Variants in CCDC14 observed in about 807,000 individuals in gnomAD.
CCDC14 encodes coiled-coil domain containing 14.
Under a neutral mutation model 81.4 loss-of-function variants are expected in CCDC14, and 71 were observed. That is an observed-to-expected ratio of 0.87 (90% CI 0.72 to 1.06). CCDC14 has a LOEUF of 1.06. CCDC14 is among the 50% of genes least tolerant of loss of function. The pLI is 0.00. For missense variants in CCDC14, 1,046 were observed against 1,047.3 expected (o/e 1.00, Z 0.02); for synonymous variants, 332 against 364.8 (o/e 0.91, Z 1.03).
chr3:123,916,462 ATGTGTTTGTGTGTGTGTG>A (rs1169806797), intron 12 of CCDC14, among the ~76,000 whole-genome samples: 3 of 81,990 alleles, frequency 3.7e-5, no homozygotes, highest in African/African-American at 1.9e-4. Flanking sequence ...TTCATTATAT[ATGTGTTTGTGTGTGTGTG>A]TGTGTGTGTG....
At chr3:123,917,789 C>T (rs992619464) in intron 12 of CCDC14, among the ~76,000 whole-genome samples, 6 of 152,046 alleles carry the variant, frequency 3.9e-5, no homozygotes, top group African/African-American at 1.4e-4. Context: ...CAATACATTT[C>T]AAAAGCCTTA....
At chr3:123,935,385 C>A (rs539303604) in intron 9 of CCDC14, among the ~76,000 whole-genome samples, 1 of 152,120 alleles carries the variant, frequency 6.6e-6, no homozygotes, top group Non-Finnish European at 1.5e-5. Flanking sequence ...TAATCTCTGA[C>A]AAAATTATTC....
intron 9 of CCDC14, among the ~76,000 whole-genome samples, chr3:123,934,622 T>C (rs2035957021): frequency 6.6e-6 from 1 of 152,170 alleles, no homozygotes; most frequent in Non-Finnish European, 1.5e-5. Context: ...ATCTGCCCTG[T>C]TACAATGAAC....
chr3:123,932,312 T>A (rs2035784043), intron 10 of CCDC14, among the ~76,000 whole-genome samples: 1 of 152,164 alleles, frequency 6.6e-6, no homozygotes, highest in Non-Finnish European at 1.5e-5. Flanking sequence ...CCTCTAGGCC[T>A]CCTCTCTCCT....
intron 12 of CCDC14, among the ~76,000 whole-genome samples, chr3:123,929,066 T>C (rs1483334220): frequency 6.6e-6 from 1 of 152,128 alleles, no homozygotes; most frequent in Non-Finnish European, 1.5e-5. Context: ...CAAAAAAGAT[T>C]GTGAGAAGGA....
chr3:123,917,991 T>C (rs1163758186), intron 12 of CCDC14, among the ~76,000 whole-genome samples: 1 of 152,206 alleles, frequency 6.6e-6, no homozygotes, highest in Non-Finnish European at 1.5e-5. Flanking sequence ...AACTGCATCA[T>C]AGCTCCTAAT....
chr3:123,934,904 A>G (rs2035972862), intron 9 of CCDC14, among the ~76,000 whole-genome samples: 2 of 152,200 alleles, frequency 1.3e-5, no homozygotes, highest in Admixed American at 1.3e-4. Context: ...GGGGAAATCT[A>G]CATAATCTTG....
rs2036667834 is a variant in CCDC14, at chr3:123,947,034, G to C, written c.970C>G (p.His324Asp). 1.9e-6 allele frequency: 3 copies of C among 1,613,976 alleles called. No individual in the cohort carries two copies. Among genetic ancestry groups the C allele is most frequent in the Non-Finnish European group, 2.5e-6 (3 of 1,179,878 alleles). Residue 324 changes from histidine to aspartate, a missense_variant, in exon 8 of 13, where the codon CAC becomes GAC. Coordinates refer to ENST00000409697, the MANE Select transcript of CCDC14 (RefSeq NM_001366335.1). ...GKETHLDSQTHRSPTQSQPAF... is the reference protein window; with the variant it reads ...GKETHLDSQTDRSPTQSQPAF... ...GGTTGTGACTGAGTAGGGCTTCGGT[G>C]TGTCTGACTGTCCAGATGCGTTTCT...
chr3:123,957,548 T>C (rs2037401038), intron 1 of CCDC14: 2 of 152,138 alleles, frequency 1.3e-5, no homozygotes, highest in Admixed American at 1.3e-4. Flanking sequence ...TAAATTCATA[T>C]ACCACTGTTG....
chr3:123,925,142 AC>A (rs2035290245), intron 12 of CCDC14, among the ~76,000 whole-genome samples: 1 of 150,470 alleles, frequency 6.6e-6, no homozygotes. Context: ...TAAAAAAAAA[AC>A]AAAAAAAAAC....
downstream of CCDC14, among the ~76,000 whole-genome samples, chr3:123,893,084 A>G (rs767247348): frequency 7.9e-5 from 12 of 152,220 alleles, no homozygotes; most frequent in Non-Finnish European, 1.6e-4. Context: ...TATTACAGGC[A>G]TGAGCCACCG....
At chr3:123,915,996 C>T (rs367766126) in intron 12 of CCDC14, among the ~76,000 whole-genome samples, 2 of 139,450 alleles carry the variant, frequency 1.4e-5, no homozygotes, top group Non-Finnish European at 3.1e-5. Flanking sequence ...ATGTTTTACT[C>T]TTTTTTTTTT....
At chr3:123,886,357 TTTTTTTCTTTCTTTCTTTCC>T in the CCDC14 span, among the ~76,000 whole-genome samples, 9 of 139,054 alleles carry the variant, frequency 6.5e-5, no homozygotes, top group Non-Finnish European at 1.4e-4. Context: ...TTTTTCTTTC[TTTTTTTCTTTCTTTCTTTCC>T]TTCTTTCCTT....
At chr3:123,938,383 C>CT (rs2036172627) in intron 9 of CCDC14, among the ~76,000 whole-genome samples, 1 of 151,818 alleles carries the variant, frequency 6.6e-6, no homozygotes, top group Admixed American at 6.6e-5. Context: ...TGATGCTACT[C>CT]TAGTACTGAT....
rs1275227139 is a variant in CCDC14 at position 123,948,751 on chromosome 3, T to C, written c.624A>G (p.Leu208=). Residue 208 remains leucine, a synonymous_variant, in exon 7 of 13, where the codon TTA becomes TTG. Coordinates refer to ENST00000409697, the MANE Select transcript of CCDC14 (RefSeq NM_001366335.1). ...GTGACCAGACTGGGGTGGAGGTACA[T>C]AAGCCATAACTAGAATGAGGAGTTG... ...SQATPHSSYG[L]CTSTPVWSLQ... is the part of the protein sequence containing the mutation. The C allele has an allele frequency of 6.3e-7, 1 of 1,599,832 alleles. No homozygotes were observed. The highest frequency in any genetic ancestry group is 1.4e-5 in the African/African-American group (1 of 73,886).
At chr3:123,958,780 CAAA>C (rs199824270) in intron 1 of CCDC14, 2 of 150,914 alleles carry the variant, frequency 1.3e-5, no homozygotes, top group Non-Finnish European at 3.0e-5. Context: ...CTGTTCTTTA[CAAA>C]AAAAAACCCA....
At chr3:123,945,660 T>C (rs2682240) in intron 8 of CCDC14, among the ~76,000 whole-genome samples, 17,528 of 152,148 alleles carry the variant, frequency 0.12, 2,434 homozygotes, top group East Asian at 0.35. Context: ...TCATATTTAC[T>C]ACGGGCTGAA....
downstream of CCDC14, among the ~76,000 whole-genome samples, chr3:123,912,950 T>A (rs2034480303): frequency 1.3e-5 from 2 of 152,162 alleles, no homozygotes. Context: ...ATCTCCACAT[T>A]TTGATGATAC....
In CCDC14 at chr3:123,956,053, T is replaced by C. The variant is rs2037310185; in HGVS notation, c.222A>G (p.Glu74=). 1 of 1,543,516 alleles carries C rather than the reference T, an allele frequency of 6.5e-7. No homozygotes were observed. Among genetic ancestry groups the C allele is most frequent in the African/African-American group, 1.4e-5 (1 of 72,464 alleles). ...ASLLRDILRN[E]DSGSETAYLE... is the part of the protein sequence containing the mutation. Reference sequence around the variant, plus strand: ...GAATTAAAAAAAAAAAACCTGAATCTTCATTTCTCAAAATGTCCCTCAGCA... The same window carrying C: ...GAATTAAAAAAAAAAAACCTGAATCCTCATTTCTCAAAATGTCCCTCAGCA... Residue 74 remains glutamate, a synonymous_variant, in exon 4 of 13, where the codon GAA becomes GAG. Coordinates refer to ENST00000409697, the MANE Select transcript of CCDC14 (RefSeq NM_001366335.1).
Sources: allele counts gnomAD v4.1 joint callset (sites outside exome capture counted in the v4.1 genomes callset), GRCh38; gene constraint gnomAD v4.1.1; transcripts MANE v1.5; gene names NCBI Gene and HGNC (gene_info 2026-07-23, HGNC 2026-07-21).